Variants in ALPK1 observed in about 807,000 individuals in gnomAD.
ALPK1 encodes alpha-protein kinase 1.
ALPK1 carries 110 observed loss-of-function variants against 120.6 expected under a neutral mutation model. The observed-to-expected ratio is 0.91, with a 90% confidence interval of 0.78 to 1.07. ALPK1 has a LOEUF of 1.07. ALPK1 is among the 50% of genes least tolerant of loss of function. The probability of loss-of-function intolerance (pLI) is 0.00; values close to 1 mark genes in which losing one functional copy is unlikely to be tolerated. For synonymous variants in ALPK1, 582 were observed against 560.3 expected, an observed-to-expected ratio of 1.04 and a Z score of -0.55; for missense variants, 1,498 against 1,483.9, an observed-to-expected ratio of 1.01 and a Z score of -0.16.
At chr4:112,344,020 G>T (rs1327855476) in intron 2 of ALPK1, among the ~76,000 whole-genome samples, 5 of 152,160 alleles carry the variant, frequency 3.3e-5, no homozygotes, top group Admixed American at 3.3e-4. Flanking sequence ...AGCCTTTCAT[G>T]TTGGTGCATA....
chr4:112,424,031 C>T (rs1364380196), intron 6 of ALPK1, 28 bp downstream of exon 6: 2 of 1,605,746 alleles, frequency 1.2e-6, no homozygotes, highest in South Asian at 2.2e-5. Context: ...TTCACAATGA[C>T]TTTTACCTCA....
intron 2 of ALPK1, among the ~76,000 whole-genome samples, chr4:112,353,372 T>C (rs1730450124): frequency 6.6e-6 from 1 of 152,192 alleles, no homozygotes; most frequent in Non-Finnish European, 1.5e-5. Flanking sequence ...TAAAGATTCT[T>C]ATACATAGCC....
intron 2 of ALPK1, among the ~76,000 whole-genome samples, chr4:112,365,202 C>T (rs1731088903): frequency 6.6e-6 from 1 of 152,012 alleles, no homozygotes; most frequent in African/African-American, 2.4e-5. Flanking sequence ...AAGTCCTAGC[C>T]AGAGCAGTCA....
At position 112,435,319 on chromosome 4, in the gene ALPK1, T is replaced by G. The variant is rs368199342; in HGVS notation, c.3188+18T>G. 3.9e-5 allele frequency: 63 copies of G among 1,601,012 alleles called. No homozygotes were observed. Among genetic ancestry groups the G allele is most frequent in the Non-Finnish European group, 4.8e-5 (56 of 1,174,634 alleles). ...CTGGGGAGGTATTACTTAAAAACATTTGTATAACTAATGTAAGATGAGCTA... is the reference window on the plus strand; with the variant it reads ...CTGGGGAGGTATTACTTAAAAACATGTGTATAACTAATGTAAGATGAGCTA... On this transcript the variant is annotated intron_variant, in intron 12 of 15. Coordinates refer to ENST00000650871, the MANE Select transcript of ALPK1 (RefSeq NM_025144.4).
chr4:112,399,784 T>C (rs1213561162), intron 4 of ALPK1, among the ~76,000 whole-genome samples: 1 of 152,132 alleles, frequency 6.6e-6, no homozygotes, highest in Admixed American at 6.5e-5. Flanking sequence ...GTGTGTGATG[T>C]TCCCCTCCCT....
intron 4 of ALPK1, among the ~76,000 whole-genome samples, chr4:112,385,764 C>CT (rs1732126478): frequency 1.3e-5 from 2 of 152,290 alleles, no homozygotes; most frequent in South Asian, 4.1e-4. Context: ...TTTGTCAGAG[C>CT]TGGATGGTCA....
In ALPK1 at chr4:112,419,347, C is replaced by T. The variant is rs560759470; in HGVS notation, c.476-4597C>T. On this transcript the variant is annotated intron_variant, in intron 5 of 15. Coordinates refer to ENST00000650871, the MANE Select transcript of ALPK1 (RefSeq NM_025144.4). ...GCTATGTGCCAACAATTGCATTAGG[C>T]CTTTAGGATAGTTATAAAGATGATC... Among the ~76,000 whole-genome samples, 11 of 151,966 alleles carry T rather than the reference C, an allele frequency of 7.2e-5. 1 individual carries two copies. Among genetic ancestry groups the T allele is most frequent in the African/African-American group, 1.9e-4 (8 of 41,442 alleles).
chr4:112,359,820 G>A, intron 2 of ALPK1: 1 of 398,092 alleles, frequency 2.5e-6, no homozygotes, highest in Non-Finnish European at 4.9e-6. Flanking sequence ...GCCCCAGTGG[G>A]TGCCCATGGA....
chr4:112,409,500 G>A (rs557561362), intron 4 of ALPK1, among the ~76,000 whole-genome samples: 7 of 151,834 alleles, frequency 4.6e-5, no homozygotes, highest in South Asian at 4.1e-4. Context: ...TGTATTAGAC[G>A]TAGGGAATCT....
chr4:112,435,058 C>G, intron 11 of ALPK1, 90 bp from the exon 12 acceptor site: 2 of 1,265,130 alleles, frequency 1.6e-6, no homozygotes, highest in Non-Finnish European at 2.2e-6. Context: ...TTCAGGTGAG[C>G]TGGCGTAGGA....
chr4:112,320,337 G>A (rs886530263), intron 2 of ALPK1, among the ~76,000 whole-genome samples: 2 of 152,130 alleles, frequency 1.3e-5, no homozygotes, highest in Non-Finnish European at 2.9e-5. Context: ...TTTATGTGGT[G>A]TATCACATTT....
chr4:112,330,111 CTGTGTTGAATGAA>C (rs2148700221), intron 2 of ALPK1, among the ~76,000 whole-genome samples: 1 of 152,284 alleles, frequency 6.6e-6, no homozygotes, highest in African/African-American at 2.4e-5. Flanking sequence ...TCCTGGAAAC[CTGTGTTGAATGAA>C]TCATAAAGTA....
chr4:112,431,408 T>A lies in ALPK1; in HGVS notation c.1861T>A (p.Cys621Ser), dbSNP rs754409408. The A allele has an allele frequency of 1.2e-6, 2 of 1,614,196 alleles. No homozygotes were observed. Among genetic ancestry groups the A allele is most frequent in the East Asian group, 2.2e-5 (1 of 44,876 alleles). The change falls in exon 11 of 16, where the codon TGT (cysteine) becomes AGT (serine). Residue 621 changes from cysteine to serine, a missense_variant. By Grantham distance (112) the Cys-to-Ser change is moderately radical (BLOSUM62 -1). Transcript: ENST00000650871. ...CAAAGAACATCTGGTGGACACTCAG[T>A]GTTCCACTGCCTTGTCTGAGGAGCT... is the stretch of plus-strand genomic sequence containing the variant. Reference protein sequence around the residue: ...PGKEHLVDTQCSTALSEELEN... With the variant: ...PGKEHLVDTQSSTALSEELEN...
intron 4 of ALPK1, among the ~76,000 whole-genome samples, chr4:112,405,609 T>C (rs1246664939): frequency 6.6e-6 from 1 of 152,176 alleles, no homozygotes; most frequent in Admixed American, 6.5e-5. Flanking sequence ...AGAGTCTTGC[T>C]GTGTCACCCA....
chr4:112,383,896 C>T (rs1019940177), intron 4 of ALPK1: 1 of 152,198 alleles, frequency 6.6e-6, no homozygotes, highest in Non-Finnish European at 1.5e-5. Context: ...AGAACCCTTA[C>T]ATTAGTGTAC....
intron 1 of ALPK1, among the ~76,000 whole-genome samples, chr4:112,306,585 C>T (rs1377344439): frequency 1.3e-5 from 2 of 151,884 alleles, no homozygotes; most frequent in Non-Finnish European, 2.9e-5. Flanking sequence ...TCTGTGGGAT[C>T]GGTGGTGATA....
At chr4:112,436,392 G>A (rs1734790371) in intron 12 of ALPK1, among the ~76,000 whole-genome samples, 1 of 152,174 alleles carries the variant, frequency 6.6e-6, no homozygotes, top group South Asian at 2.1e-4. Flanking sequence ...GGCATGTGCT[G>A]ATGCTTCACT....
intron 1 of ALPK1, among the ~76,000 whole-genome samples, chr4:112,304,338 A>G (rs1163165745): frequency 1.3e-5 from 2 of 152,098 alleles, no homozygotes; most frequent in Non-Finnish European, 2.9e-5. Context: ...GTCTTCCACA[A>G]TGGTTGAACT....
chr4:112,357,055 C>T, intron 2 of ALPK1: 1 of 907,402 alleles, frequency 1.1e-6, no homozygotes, highest in South Asian at 1.4e-5. Context: ...CAGGGCTGAA[C>T]ATGGAGCTGG....
Sources: gnomAD v4.1 joint callset for allele counts (sites outside exome capture counted in the v4.1 genomes callset) on GRCh38, gnomAD v4.1.1 for gene constraint, MANE v1.5 for transcripts, NCBI Gene and HGNC (gene_info 2026-07-23, HGNC 2026-07-21) for gene names.